EPHA6: variants seen among roughly 807,000 people sequenced by gnomAD.
EPHA6 encodes the protein EPH receptor A6.
A neutral mutation model predicts 112.0 loss-of-function variants in EPHA6; 50 were observed. The observed-to-expected ratio is 0.45, with a 90% CI of 0.36 to 0.56. EPHA6 has a LOEUF of 0.56. EPHA6 is among the 20% of genes least tolerant of loss of function. EPHA6 has a pLI of 0.00. For missense variants in EPHA6, 1,280 were observed against 1,417.4 expected, an observed-to-expected ratio of 0.90 and a Z score of 1.56; for synonymous variants, 529 against 490.7, an observed-to-expected ratio of 1.08 and a Z score of -1.03.
At chr3:97,109,705 T>G (rs1002514490) in intron 3 of EPHA6, among the ~76,000 whole-genome samples, 1 of 152,162 alleles carries the variant, frequency 6.6e-6, no homozygotes, top group East Asian at 1.9e-4. Context: ...CATTTATTCA[T>G]TAACTGCAGA....
intron 5 of EPHA6, among the ~76,000 whole-genome samples, chr3:97,350,010 A>G (rs1199788428): frequency 6.6e-6 from 1 of 151,632 alleles, no homozygotes; most frequent in Non-Finnish European, 1.5e-5. Flanking sequence ...AGTATGACCT[A>G]CTTCTCACGA....
intron 5 of EPHA6, among the ~76,000 whole-genome samples, chr3:97,307,124 T>TGTTAGGAATA (rs1226799252): frequency 6.6e-6 from 1 of 151,834 alleles, no homozygotes; most frequent in Non-Finnish European, 1.5e-5. Flanking sequence ...TGCATTTTAT[T>TGTTAGGAATA]TTAGAAATAT....
intron 7 of EPHA6, among the ~76,000 whole-genome samples, chr3:97,465,510 C>T (rs531530950): frequency 6.6e-6 from 1 of 152,056 alleles, no homozygotes; most frequent in African/African-American, 2.4e-5. Context: ...AATAGTCTCC[C>T]ATTGAATCTC....
chr3:97,611,302 C>T (rs1398680530), intron 13 of EPHA6, among the ~76,000 whole-genome samples: 1 of 151,816 alleles, frequency 6.6e-6, no homozygotes, highest in African/African-American at 2.4e-5. Flanking sequence ...GTTCTATCAA[C>T]TTTGTCCTTC....
intron 17 of EPHA6, 68 bp from the exon 18 acceptor site, chr3:97,748,517 ATC>A (rs71113865): frequency 0.046 from 29,902 of 649,586 alleles, 6 homozygotes; most frequent in South Asian, 0.057. Flanking sequence ...CATATTCTGT[ATC>A]TCTCTCTCTC....
chr3:97,444,294 G>A (rs867247306), intron 6 of EPHA6, among the ~76,000 whole-genome samples: 1 of 152,038 alleles, frequency 6.6e-6, no homozygotes, highest in African/African-American at 2.4e-5. Context: ...AAGACTTTAG[G>A]AGAAAGCAAA....
At chr3:97,453,834 G>A (rs563770706) in intron 7 of EPHA6, among the ~76,000 whole-genome samples, 2 of 151,378 alleles carry the variant, frequency 1.3e-5, no homozygotes, top group East Asian at 1.9e-4. Flanking sequence ...ATTATGTTTC[G>A]GTTTCTTCCT....
At chr3:97,204,436 G>A (rs77934037) in intron 3 of EPHA6, among the ~76,000 whole-genome samples, 15 of 152,054 alleles carry the variant, frequency 9.9e-5, no homozygotes, top group East Asian at 3.9e-4. Flanking sequence ...GTTTTCTTCC[G>A]TTCCACAGAT....
At chr3:97,639,098 T>A (rs74632113) in intron 14 of EPHA6, among the ~76,000 whole-genome samples, 1 of 152,062 alleles carries the variant, frequency 6.6e-6, no homozygotes, top group African/African-American at 2.4e-5. Context: ...TCTATTAATT[T>A]ATCAATGATA....
At chr3:96,886,461 T>G (rs1478178106) in intron 2 of EPHA6, among the ~76,000 whole-genome samples, 1 of 152,216 alleles carries the variant, frequency 6.6e-6, no homozygotes, top group Non-Finnish European at 1.5e-5. Context: ...GCTGTTGCTT[T>G]AAAGTTTGTT....
chr3:96,994,759 A>AGAGAGAGAGAGAGAGAGC (rs763682996), intron 3 of EPHA6, among the ~76,000 whole-genome samples: 3,121 of 115,416 alleles, frequency 0.027, 117 homozygotes, highest in Non-Finnish European at 0.039. Flanking sequence ...AGAGAGAGAG[A>AGAGAGAGAGAGAGAGAGC]GAGCTATATA....
chr3:97,309,639 TTTAA>T (rs1313179109), intron 5 of EPHA6, among the ~76,000 whole-genome samples: 1 of 151,598 alleles, frequency 6.6e-6, no homozygotes, highest in Non-Finnish European at 1.5e-5. Flanking sequence ...TACTTACATC[TTTAA>T]TTATCTTTTT....
chr3:97,691,011 C>G (rs180795776), intron 14 of EPHA6, among the ~76,000 whole-genome samples: 147 of 152,218 alleles, frequency 9.7e-4, no homozygotes, highest in Middle Eastern at 3.4e-3. Flanking sequence ...AAACAATTGT[C>G]TAATCCAAGG....
chr3:96,833,967 C>G (rs1178885994), intron 1 of EPHA6, among the ~76,000 whole-genome samples: 3 of 151,798 alleles, frequency 2.0e-5, no homozygotes, highest in East Asian at 3.9e-4. Context: ...CTGACAACAA[C>G]AAAAGAAACA....
intron 3 of EPHA6, among the ~76,000 whole-genome samples, chr3:96,990,173 A>G (rs2043163972): frequency 6.6e-6 from 1 of 152,186 alleles, no homozygotes; most frequent in African/African-American, 2.4e-5. Flanking sequence ...GTATTTCTTT[A>G]TGGCATTTAC....
At chr3:96,980,160 T>C (rs2042703942) in intron 2 of EPHA6, among the ~76,000 whole-genome samples, 2 of 152,252 alleles carry the variant, frequency 1.3e-5, no homozygotes, top group African/African-American at 4.8e-5. Flanking sequence ...ACCTAGGTTT[T>C]CTTCTAGGGT....
At chr3:97,183,561 G>T (rs1559780960) in intron 3 of EPHA6, among the ~76,000 whole-genome samples, 1 of 152,080 alleles carries the variant, frequency 6.6e-6, no homozygotes, top group Non-Finnish European at 1.5e-5. Flanking sequence ...ACTAATTTAT[G>T]TAAAAAGAAA....
chr3:96,992,700 T>C (rs914254691), intron 3 of EPHA6, among the ~76,000 whole-genome samples: 1 of 152,242 alleles, frequency 6.6e-6, no homozygotes, highest in African/African-American at 2.4e-5. Flanking sequence ...CCTGTTCTTT[T>C]GTAACCTCAG....
chr3:97,203,266 A>T (rs969088087), intron 3 of EPHA6, among the ~76,000 whole-genome samples: 1 of 152,128 alleles, frequency 6.6e-6, no homozygotes, highest in South Asian at 2.1e-4. Context: ...GGATAATTCA[A>T]GCAAGAAATC....
Sources: gnomAD v4.1 joint callset for allele counts (sites outside exome capture counted in the v4.1 genomes callset) on GRCh38, gnomAD v4.1.1 for gene constraint, MANE v1.5 for transcripts, NCBI Gene and HGNC (gene_info 2026-07-23, HGNC 2026-07-21) for gene names.